Variants in DOCK10 observed in about 807,000 individuals in gnomAD.
DOCK10 encodes dedicator of cytokinesis 10.
Under a neutral mutation model 280.1 loss-of-function variants are expected in DOCK10, and 145 were observed. That is an observed-to-expected ratio of 0.52 (90% CI 0.45 to 0.59). DOCK10 has a LOEUF of 0.59. Among genes scored for constraint, DOCK10 ranks in the 20% least tolerant of loss-of-function variants. DOCK10 has a pLI of 0.00. For synonymous variants in DOCK10, 915 were observed against 942.2 expected (o/e 0.97, Z 0.53); for missense variants, 2,368 against 2,651.7 (o/e 0.89, Z 2.35).
At chr2:224,961,417 T>TCTTC (rs1704397528) in intron 1 of DOCK10, among the ~76,000 whole-genome samples, 1 of 90,494 alleles carries the variant, frequency 1.1e-5, no homozygotes, top group Non-Finnish European at 2.4e-5. Context: ...TCTTTCTCTT[T>TCTTC]CTTTCTTTCT....
chr2:224,788,774 C>G (rs773663746), intron 48 of DOCK10, among the ~76,000 whole-genome samples: 54 of 152,084 alleles, frequency 3.6e-4, no homozygotes, highest in Non-Finnish European at 2.5e-4. Context: ...ATGATCAGTT[C>G]GCAAAATTTA....
chr2:224,968,808 C>G (rs1192300378), intron 1 of DOCK10, among the ~76,000 whole-genome samples: 1 of 152,206 alleles, frequency 6.6e-6, no homozygotes, highest in Non-Finnish European at 1.5e-5. Context: ...CACATGCAAA[C>G]ATTTATAGTG....
At position 224,853,138 on chromosome 2, in the gene DOCK10, A is replaced by G. The variant is rs754847675; in HGVS notation, c.1889-16T>C. The G allele has an allele frequency of 1.9e-6, 3 of 1,545,156 alleles. No individual in the cohort carries two copies. The highest frequency in any genetic ancestry group is 1.4e-5 in the African/African-American group (1 of 72,464). On this transcript the variant is annotated splice_polypyrimidine_tract_variant and intron_variant, in intron 16 of 55. Coordinates refer to ENST00000258390, the MANE Select transcript of DOCK10 (RefSeq NM_014689.3). Reference sequence around the variant, plus strand: ...GTTACACAATCTTAAAAAATCAGAAAATAAGAGTTTGTCATTTAATATGGT... The same window carrying G: ...GTTACACAATCTTAAAAAATCAGAAGATAAGAGTTTGTCATTTAATATGGT...
At chr2:224,793,234 T>C (rs1692328945) in intron 46 of DOCK10, among the ~76,000 whole-genome samples, 162 bp from the exon 47 acceptor site, 1 of 152,176 alleles carries the variant, frequency 6.6e-6, no homozygotes, top group Admixed American at 6.5e-5. Flanking sequence ...GTCAATGGCA[T>C]GATAGACTTA....
At chr2:225,023,595 T>C (rs1456757286) in intron 1 of DOCK10, among the ~76,000 whole-genome samples, 1 of 152,216 alleles carries the variant, frequency 6.6e-6, no homozygotes. Flanking sequence ...AAATCTTTCA[T>C]ACTGCTTATG....
At chr2:224,950,636 A>C (rs1703677445) in intron 1 of DOCK10, among the ~76,000 whole-genome samples, 1 of 152,226 alleles carries the variant, frequency 6.6e-6, no homozygotes, top group Admixed American at 6.5e-5. Context: ...CCTTTATTTA[A>C]TGTGCAATGC....
intron 38 of DOCK10, among the ~76,000 whole-genome samples, chr2:224,804,429 G>A (rs984951063): frequency 1.1e-4 from 17 of 150,388 alleles, no homozygotes; most frequent in African/African-American, 4.2e-4. Context: ...ATGACAGTAC[G>A]AAGTTATTCC....
At position 224,852,992 on chromosome 2, in the gene DOCK10, A is replaced by G; in HGVS notation, c.2019T>C (p.Asn673=). 1 of 1,610,258 alleles carries G rather than the reference A, an allele frequency of 6.2e-7. No individual in the cohort carries two copies. The highest frequency in any genetic ancestry group is 8.5e-7 in the Non-Finnish European group (1 of 1,177,670). Residue 673 remains asparagine (N), a synonymous_variant, in exon 17 of 56, where the codon AAT becomes AAC. Coordinates refer to ENST00000258390, the MANE Select transcript of DOCK10 (RefSeq NM_014689.3). ...KYCRPYRVYK[N]QIYIYPKHLK... ...GGTGTTTGGGGTAAATATAAATTTG[A>G]TTTTTATATACTCTGTAAGGCCGAC...
At chr2:225,017,691 T>C (rs1221533797) in intron 1 of DOCK10, among the ~76,000 whole-genome samples, 1 of 133,442 alleles carries the variant, frequency 7.5e-6, no homozygotes, top group Non-Finnish European at 1.6e-5. Context: ...TAACTGAAGA[T>C]ATGCCTACTG....
chr2:224,958,678 A>T (rs1575115007), intron 1 of DOCK10, among the ~76,000 whole-genome samples: 1 of 143,748 alleles, frequency 7.0e-6, no homozygotes, highest in African/African-American at 2.6e-5. Flanking sequence ...TCATATGTTT[A>T]AAAAAAAAAA....
At chr2:224,870,119 A>T (rs1574967555) in intron 11 of DOCK10, among the ~76,000 whole-genome samples, 1 of 152,118 alleles carries the variant, frequency 6.6e-6, no homozygotes, top group African/African-American at 2.4e-5. Flanking sequence ...TGCTGTTCTC[A>T]TGATAGTGAG....
At position 224,916,792 on chromosome 2, in the gene DOCK10, G is replaced by A. The variant is rs372354079; in HGVS notation, c.244-8C>T. 2.4e-5 allele frequency: 38 copies of A among 1,602,868 alleles called. No homozygotes were observed. The highest frequency in any genetic ancestry group is 2.1e-4 in the South Asian group (19 of 89,132). On this transcript the variant is annotated splice_region_variant and splice_polypyrimidine_tract_variant and intron_variant, in intron 2 of 55. Coordinates refer to ENST00000258390, the MANE Select transcript of DOCK10 (RefSeq NM_014689.3). ...CCAGGAAACTGTGGCTGCCTGAAAC[G>A]AACAATGAAAAGAAATTGAGTCCTC...
chr2:224,788,634 T>C (rs1691921505), intron 48 of DOCK10, among the ~76,000 whole-genome samples: 1 of 152,186 alleles, frequency 6.6e-6, no homozygotes, highest in Non-Finnish European at 1.5e-5. Context: ...AGTAGAAAGT[T>C]TCTTTTTTTA....
chr2:224,809,022 G>A (rs1693593741), intron 31 of DOCK10, among the ~76,000 whole-genome samples: 1 of 151,986 alleles, frequency 6.6e-6, no homozygotes, highest in Non-Finnish European at 1.5e-5. Flanking sequence ...GCCAAATTTT[G>A]AGCCTGAATT....
intron 26 of DOCK10, among the ~76,000 whole-genome samples, chr2:224,831,207 T>C (rs1457303385): frequency 2.0e-5 from 3 of 152,130 alleles, no homozygotes; most frequent in Non-Finnish European, 4.4e-5. Flanking sequence ...AGTCCTGGGA[T>C]TACAGTTGAG....
At chr2:224,796,541 A>G in intron 43 of DOCK10, 115 bp from the exon 44 acceptor site, 1 of 656,078 alleles carries the variant, frequency 1.5e-6, no homozygotes, top group South Asian at 1.9e-5. Context: ...CCAATAAAAG[A>G]AGTGTTTATG....
chr2:224,901,088 T>C (rs931981225), intron 3 of DOCK10, among the ~76,000 whole-genome samples: 3 of 152,224 alleles, frequency 2.0e-5, no homozygotes, highest in East Asian at 3.8e-4. Context: ...TCCTACATAG[T>C]TATGGCATTT....
intron 26 of DOCK10, 60 bp downstream of exon 26, chr2:224,834,090 A>ACACTTACAT: frequency 1.0e-6 from 1 of 959,590 alleles, no homozygotes; most frequent in South Asian, 1.4e-5. Flanking sequence ...ATCATTTTCC[A>ACACTTACAT]GGAGTAAGCG....
At chr2:225,003,617 T>A (rs1706495211) in intron 1 of DOCK10, among the ~76,000 whole-genome samples, 1 of 152,266 alleles carries the variant, frequency 6.6e-6, no homozygotes, top group Non-Finnish European at 1.5e-5. Context: ...TACGCTTCAC[T>A]TCTTTTAGTT....
Sources: gnomAD v4.1 joint callset for allele counts (sites outside exome capture counted in the v4.1 genomes callset) on GRCh38, gnomAD v4.1.1 for gene constraint, MANE v1.5 for transcripts, NCBI Gene and HGNC (gene_info 2026-07-23, HGNC 2026-07-21) for gene names.